The following TMEFF2 variants were observed in gnomAD, a reference collection of about 807,000 sequenced individuals.
TMEFF2 encodes the protein transmembrane protein with EGF like and two follistatin like domains 2.
Under a neutral mutation model 53.8 loss-of-function variants are expected in TMEFF2, and 28 were observed. That is an observed-to-expected ratio of 0.52 (90% CI 0.39 to 0.71). The LOEUF is 0.71. TMEFF2 is among the 30% of genes least tolerant of loss of function. The probability of loss-of-function intolerance (pLI) is 0.00; values close to 1 mark genes in which losing one functional copy is unlikely to be tolerated. For synonymous variants in TMEFF2, 162 were observed against 166.3 expected, an observed-to-expected ratio of 0.97 and a Z score of 0.20; for missense variants, 353 against 455.2, an observed-to-expected ratio of 0.78 and a Z score of 2.04.
chr2:192,067,945 TA>T (rs1310187113), intron 4 of TMEFF2, among the ~76,000 whole-genome samples: 1 of 151,916 alleles, frequency 6.6e-6, no homozygotes, highest in African/African-American at 2.4e-5. Flanking sequence ...CTGCCTTTCT[TA>T]AACATATCTC....
At chr2:192,094,621 T>G (rs1452059562) in intron 4 of TMEFF2, among the ~76,000 whole-genome samples, 2 of 152,160 alleles carry the variant, frequency 1.3e-5, no homozygotes, top group African/African-American at 4.8e-5. Context: ...TTTTCAAACT[T>G]GATGAAAGAA....
chr2:192,110,433 A>C (rs1689246758), intron 4 of TMEFF2, among the ~76,000 whole-genome samples: 1 of 152,142 alleles, frequency 6.6e-6, no homozygotes, highest in Non-Finnish European at 1.5e-5. Context: ...GTGGTAAAGG[A>C]AAGTTTTTGT....
At chr2:192,157,481 T>C (rs1203465144) in intron 4 of TMEFF2, among the ~76,000 whole-genome samples, 1 of 152,094 alleles carries the variant, frequency 6.6e-6, no homozygotes, top group Non-Finnish European at 1.5e-5. Flanking sequence ...TTCTTAATTA[T>C]TGTGACTAAA....
At chr2:192,112,738 A>AT (rs1689313466) in intron 4 of TMEFF2, among the ~76,000 whole-genome samples, 1 of 152,130 alleles carries the variant, frequency 6.6e-6, no homozygotes, top group Non-Finnish European at 1.5e-5. Context: ...TGTAATTCTC[A>AT]TGTGTTATTG....
At chr2:192,071,593 C>A (rs1302853726) in intron 4 of TMEFF2, among the ~76,000 whole-genome samples, 1 of 151,834 alleles carries the variant, frequency 6.6e-6, no homozygotes, top group African/African-American at 2.4e-5. Context: ...GTTCCAGGAA[C>A]TCCTGTGGAC....
chr2:192,110,830 C>T (rs776242931), intron 4 of TMEFF2, among the ~76,000 whole-genome samples: 1 of 152,074 alleles, frequency 6.6e-6, no homozygotes, highest in Non-Finnish European at 1.5e-5. Flanking sequence ...GTGGAAGGGG[C>T]CTGGTGGGAG....
intron 5 of TMEFF2, among the ~76,000 whole-genome samples, chr2:192,009,857 ATTAC>A (rs1686584912): frequency 6.6e-6 from 1 of 152,178 alleles, no homozygotes; most frequent in African/African-American, 2.4e-5. Flanking sequence ...CAAGTATTAT[ATTAC>A]TTTTAATATT....
chr2:192,107,327 A>G (rs1689171773), intron 4 of TMEFF2, among the ~76,000 whole-genome samples: 2 of 151,710 alleles, frequency 1.3e-5, no homozygotes, highest in African/African-American at 4.8e-5. Context: ...TGATATTGTC[A>G]TGGATTAGCA....
chr2:192,178,303 CCTGT>C (rs1453535304), intron 4 of TMEFF2: 4 of 150,006 alleles, frequency 2.7e-5, no homozygotes, highest in Non-Finnish European at 6.0e-5. Context: ...TGCCTTTTTT[CCTGT>C]CTTTTTTTTT....
Position 192,123,052 on chromosome 2 carries a change from A to G in TMEFF2, c.439+56616T>C, listed in dbSNP as rs534075058. On this transcript the variant is annotated intron_variant, in intron 4 of 9. Transcript: ENST00000272771. ...TAAAACAACTTATCCTGTATACCCA[A>G]TGGGAGAAAAATGAATAAGCCACCA... Among the ~76,000 whole-genome samples, 4 of 152,280 alleles carry G rather than the reference A, an allele frequency of 2.6e-5. No homozygotes were observed. The South Asian group carries it at 8.3e-4, about 32-fold the overall frequency.
chr2:192,110,617 C>T (rs994920332), intron 4 of TMEFF2, among the ~76,000 whole-genome samples: 1 of 152,186 alleles, frequency 6.6e-6, no homozygotes, highest in African/African-American at 2.4e-5. Context: ...GTTATAAACA[C>T]AGAAATGTCA....
chr2:192,087,408 G>A (rs890986296), intron 4 of TMEFF2, among the ~76,000 whole-genome samples: 5 of 152,118 alleles, frequency 3.3e-5, no homozygotes, highest in Non-Finnish European at 5.9e-5. Context: ...CCTGAAGTGT[G>A]TGGGTTTCAC....
intron 5 of TMEFF2, among the ~76,000 whole-genome samples, chr2:192,018,154 A>G (rs1173379905): frequency 6.6e-6 from 1 of 152,176 alleles, no homozygotes; most frequent in African/African-American, 2.4e-5. Flanking sequence ...GTCTGTAAGA[A>G]TGCAAGCCTT....
At chr2:192,189,994 T>C (rs555745347) in intron 2 of TMEFF2, among the ~76,000 whole-genome samples, 1 of 152,318 alleles carries the variant, frequency 6.6e-6, no homozygotes, top group East Asian at 1.9e-4. Flanking sequence ...TACACAGACT[T>C]GCATTCGTTT....
intron 5 of TMEFF2, among the ~76,000 whole-genome samples, chr2:192,053,897 A>G (rs1295558365): frequency 6.6e-6 from 1 of 152,184 alleles, no homozygotes; most frequent in East Asian, 1.9e-4. Flanking sequence ...GACTAAATAC[A>G]ATATGTTAAC....
intron 7 of TMEFF2, among the ~76,000 whole-genome samples, chr2:191,965,021 C>G (rs187543098): frequency 3.9e-5 from 6 of 152,246 alleles, no homozygotes; most frequent in Middle Eastern, 3.4e-3. Context: ...CCCTAAGGTT[C>G]TTCTCTTGTT....
At chr2:192,148,755 T>G (rs2105997984) in intron 4 of TMEFF2, among the ~76,000 whole-genome samples, 1 of 152,168 alleles carries the variant, frequency 6.6e-6, no homozygotes, top group South Asian at 2.1e-4. Flanking sequence ...AAGCATCTGC[T>G]GGCTGCCTCT....
chr2:192,173,436 T>C (rs1341201735), intron 4 of TMEFF2, among the ~76,000 whole-genome samples: 1 of 151,756 alleles, frequency 6.6e-6, no homozygotes, highest in African/African-American at 2.4e-5. Flanking sequence ...TTCCCATCAA[T>C]TTTGAAAGAA....
intron 4 of TMEFF2, among the ~76,000 whole-genome samples, chr2:192,166,566 T>C (rs1266244874): frequency 1.3e-5 from 2 of 152,178 alleles, no homozygotes; most frequent in East Asian, 1.9e-4. Context: ...TTTCAATATG[T>C]AAATTATTTT....
Sources: gnomAD v4.1 joint callset for allele counts (sites outside exome capture counted in the v4.1 genomes callset) on GRCh38, gnomAD v4.1.1 for gene constraint, MANE v1.5 for transcripts, NCBI Gene and HGNC (gene_info 2026-07-23, HGNC 2026-07-21) for gene names.